Variants in LINGO2 observed in about 807,000 individuals in gnomAD.
The protein encoded by LINGO2 is leucine rich repeat and Ig domain containing 2.
In LINGO2, 14 loss-of-function variants were observed where a neutral mutation model predicts 30.6. That is an observed-to-expected ratio of 0.46 (90% CI 0.30 to 0.72). The LOEUF is 0.72. Among genes scored for constraint, LINGO2 ranks in the 30% least tolerant of loss-of-function variants. The probability of loss-of-function intolerance (pLI) is 0.07; values close to 1 mark genes in which losing one functional copy is unlikely to be tolerated. For missense variants in LINGO2, 729 were observed against 751.7 expected, an observed-to-expected ratio of 0.97 and a Z score of 0.35; for synonymous variants, 317 against 288.5, an observed-to-expected ratio of 1.10 and a Z score of -1.00.
intron 4 of LINGO2, among the ~76,000 whole-genome samples, chr9:28,066,501 G>A (rs1825317950): frequency 6.6e-6 from 1 of 152,126 alleles, no homozygotes. Flanking sequence ...GTCCCTACGG[G>A]GCTTCCCAGG....
chr9:28,763,149 T>C, the LINGO2 span, among the ~76,000 whole-genome samples: 3 of 152,020 alleles, frequency 2.0e-5, no homozygotes, highest in African/African-American at 7.3e-5. Flanking sequence ...AAATAACCAC[T>C]GTCAAAATTA....
chr9:28,087,332 G>A (rs1467935330), intron 4 of LINGO2, among the ~76,000 whole-genome samples: 2 of 152,046 alleles, frequency 1.3e-5, no homozygotes, highest in Non-Finnish European at 2.9e-5. Flanking sequence ...TTTGTAACAA[G>A]AGATAAACTG....
chr9:29,089,398 G>A, the LINGO2 span, among the ~76,000 whole-genome samples: 1 of 151,904 alleles, frequency 6.6e-6, no homozygotes, highest in African/African-American at 2.4e-5. Context: ...AGTAGTAATA[G>A]TATTATTATC....
intron 1 of LINGO2, among the ~76,000 whole-genome samples, chr9:28,579,707 C>T (rs765714368): frequency 2.6e-5 from 4 of 152,074 alleles, no homozygotes; most frequent in Admixed American, 1.3e-4. Context: ...TCTGGCTCTT[C>T]ACTGTTGGCT....
the LINGO2 span, among the ~76,000 whole-genome samples, chr9:29,157,680 CT>C: frequency 3.3e-5 from 5 of 151,896 alleles, no homozygotes; most frequent in African/African-American, 1.2e-4. Flanking sequence ...ACACTGTCTC[CT>C]TTTTTTTCTC....
chr9:28,182,949 A>G (rs1819411043), intron 4 of LINGO2, among the ~76,000 whole-genome samples: 1 of 152,192 alleles, frequency 6.6e-6, no homozygotes, highest in Non-Finnish European at 1.5e-5. Context: ...CAGCAATCCC[A>G]TTACAGGGTA....
chr9:28,125,604 T>G (rs1827214602), intron 4 of LINGO2, among the ~76,000 whole-genome samples: 1 of 151,980 alleles, frequency 6.6e-6, no homozygotes, highest in Admixed American at 6.6e-5. Flanking sequence ...TCTCTTAGAG[T>G]CTCATCCCTG....
chr9:29,161,923 G>GTTTT, the LINGO2 span, among the ~76,000 whole-genome samples: 3 of 142,938 alleles, frequency 2.1e-5, no homozygotes, highest in African/African-American at 7.6e-5. Flanking sequence ...CTTCAGATGT[G>GTTTT]TTTTTTTTTT....
chr9:28,422,770 T>A (rs1823252254), intron 2 of LINGO2, among the ~76,000 whole-genome samples: 1 of 152,088 alleles, frequency 6.6e-6, no homozygotes, highest in South Asian at 2.1e-4. Context: ...GGATGTAGCC[T>A]ATGTGGCCAT....
At chr9:29,125,198 G>A in the LINGO2 span, among the ~76,000 whole-genome samples, 13 of 152,138 alleles carry the variant, frequency 8.5e-5, no homozygotes, top group East Asian at 3.9e-4. Context: ...CTCATAAGTC[G>A]GAGCTGAACA....
intron 1 of LINGO2, among the ~76,000 whole-genome samples, chr9:28,658,784 A>T (rs1035062786): frequency 6.6e-6 from 1 of 152,110 alleles, no homozygotes; most frequent in African/African-American, 2.4e-5. Flanking sequence ...TAGAAAACTA[A>T]CACAATACCT....
chr9:29,047,325 G>GA, the LINGO2 span, among the ~76,000 whole-genome samples: 1 of 152,092 alleles, frequency 6.6e-6, no homozygotes, highest in Non-Finnish European at 1.5e-5. Context: ...CTGATCATTA[G>GA]AAAAATGCAG....
intron 5 of LINGO2, among the ~76,000 whole-genome samples, chr9:28,009,192 A>T (rs959021459): frequency 6.6e-6 from 1 of 151,832 alleles, no homozygotes; most frequent in Non-Finnish European, 1.5e-5. Flanking sequence ...ATCCATATGC[A>T]AAAGAATAAA....
intron 1 of LINGO2, among the ~76,000 whole-genome samples, chr9:28,523,862 T>G (rs1820918224): frequency 6.7e-6 from 1 of 150,008 alleles, no homozygotes; most frequent in African/African-American, 2.4e-5. Context: ...GATCAACAGA[T>G]GCAACACAAT....
intron 2 of LINGO2, among the ~76,000 whole-genome samples, chr9:28,425,327 G>GTTTATATA (rs36056351): frequency 2.4e-5 from 3 of 124,558 alleles, no homozygotes; most frequent in Admixed American, 8.0e-5. Context: ...ATATGTGTGT[G>GTTTATATA]TGTATATATA....
the LINGO2 span, among the ~76,000 whole-genome samples, chr9:28,990,207 G>A: frequency 1.2e-4 from 19 of 152,294 alleles, no homozygotes; most frequent in East Asian, 2.7e-3. Context: ...ATTATATCCC[G>A]CATCCGGCTC....
chr9:28,501,700 C>T (rs1203099409), intron 1 of LINGO2, among the ~76,000 whole-genome samples: 4 of 152,022 alleles, frequency 2.6e-5, no homozygotes. Context: ...CACACACACC[C>T]CTACATACAG....
chr9:29,170,966 G>A, the LINGO2 span, among the ~76,000 whole-genome samples: 3 of 151,960 alleles, frequency 2.0e-5, no homozygotes, highest in African/African-American at 7.2e-5. Flanking sequence ...AGTGTAATTT[G>A]GCTATATCTC....
chr9:28,476,796 A>G (rs976811330), intron 1 of LINGO2, among the ~76,000 whole-genome samples: 1 of 152,346 alleles, frequency 6.6e-6, no homozygotes, highest in Non-Finnish European at 1.5e-5. Flanking sequence ...GTCTAAGATT[A>G]TTCTTTGTCG....
Sources: gnomAD v4.1 joint callset for allele counts (sites outside exome capture counted in the v4.1 genomes callset) on GRCh38, gnomAD v4.1.1 for gene constraint, MANE v1.5 for transcripts, NCBI Gene and HGNC (gene_info 2026-07-23, HGNC 2026-07-21) for gene names.